GPHN: variants seen among roughly 807,000 people sequenced by gnomAD.
GPHN encodes gephyrin.
Under a neutral mutation model 95.5 loss-of-function variants are expected in GPHN, and 17 were observed. That is an observed-to-expected ratio of 0.18 (90% confidence interval 0.12 to 0.27). The LOEUF (loss-of-function observed/expected upper bound fraction) is 0.27, where lower values mean the gene tolerates loss of function less well. Among genes scored for constraint, GPHN ranks in the 10% least tolerant of loss-of-function variants. The pLI, the probability that GPHN is intolerant of heterozygous loss-of-function variation, is 1.00. For synonymous variants in GPHN, 320 were observed against 322.5 expected, an observed-to-expected ratio of 0.99 and a Z score of 0.08; for missense variants, 660 against 978.1, an observed-to-expected ratio of 0.67 and a Z score of 4.34.
At chr14:66,924,330 T>C (rs1172881523) in intron 8 of GPHN, 38 bp downstream of exon 8, 1 of 1,070,396 alleles carries the variant, frequency 9.3e-7, no homozygotes, top group Non-Finnish European at 1.5e-6. Context: ...GTTTTCCAAA[T>C]ATGTATTCTA....
At chr14:67,451,060 T>A in the GPHN span, among the ~76,000 whole-genome samples, 1 of 152,232 alleles carries the variant, frequency 6.6e-6, no homozygotes, top group African/African-American at 2.4e-5. Flanking sequence ...GAGCTCAGGC[T>A]GTGGCTTCAG....
chr14:67,254,327 C>T, the GPHN span: 2 of 151,764 alleles, frequency 1.3e-5, no homozygotes, highest in Admixed American at 6.6e-5. Flanking sequence ...TTAGCTTAAC[C>T]CTTTTTCCTA....
the GPHN span, chr14:67,600,133 G>A: frequency 2.6e-5 from 41 of 1,595,768 alleles, no homozygotes; most frequent in Non-Finnish European, 3.3e-5. Flanking sequence ...CCGGCAGGAC[G>A]GGGAGTAGTA....
At chr14:66,575,201 T>G (rs1031625414) in intron 1 of GPHN, among the ~76,000 whole-genome samples, 2 of 151,874 alleles carry the variant, frequency 1.3e-5, no homozygotes, top group Admixed American at 6.6e-5. Context: ...CTGAGTATAG[T>G]GTTCTTGGTT....
At chr14:67,312,811 A>C in the GPHN span, 1,422 of 938,296 alleles carry the variant, frequency 1.5e-3, 2 homozygotes, top group Non-Finnish European at 1.9e-3. Context: ...TATTTAATAA[A>C]GTATTCCAGT....
chr14:67,663,245 A>G, the GPHN span: 1 of 1,229,470 alleles, frequency 8.1e-7, no homozygotes, highest in Non-Finnish European at 1.1e-6. Context: ...TAACTAAAAC[A>G]GTATTGTCTT....
intron 9 of GPHN, among the ~76,000 whole-genome samples, chr14:66,992,366 T>G (rs1466224392): frequency 2.0e-5 from 3 of 152,174 alleles, no homozygotes. Flanking sequence ...GGATGGTATT[T>G]AAAGTGAAAA....
chr14:66,631,983 A>G (rs1355134688), intron 1 of GPHN, among the ~76,000 whole-genome samples: 4 of 152,072 alleles, frequency 2.6e-5, no homozygotes, highest in East Asian at 3.9e-4. Flanking sequence ...CTTGTTCCCA[A>G]TCCAACTACC....
intron 12 of GPHN, among the ~76,000 whole-genome samples, chr14:67,099,613 C>T (rs1476416901): frequency 1.3e-5 from 2 of 150,816 alleles, no homozygotes; most frequent in Non-Finnish European, 2.9e-5. Flanking sequence ...GCATAAAATA[C>T]AACATCCTGT....
chr14:67,312,041 G>A, the GPHN span: 1 of 152,628 alleles, frequency 6.6e-6, no homozygotes, highest in Non-Finnish European at 1.5e-5. Context: ...AGTAGCTGTG[G>A]TTTGGAAATT....
the GPHN span, among the ~76,000 whole-genome samples, chr14:67,604,471 G>A: frequency 6.6e-6 from 1 of 152,146 alleles, no homozygotes; most frequent in African/African-American, 2.4e-5. Context: ...GAGCCAGGAA[G>A]ATCGTTTGAG....
At chr14:66,663,899 T>C (rs2065801222) in intron 1 of GPHN, among the ~76,000 whole-genome samples, 1 of 152,156 alleles carries the variant, frequency 6.6e-6, no homozygotes, top group Non-Finnish European at 1.5e-5. Context: ...CATTACATAA[T>C]GGTAAAGGGT....
the GPHN span, chr14:67,445,986 CA>C: frequency 2.0e-6 from 1 of 495,274 alleles, no homozygotes; most frequent in South Asian, 1.5e-5. Flanking sequence ...AGAAACAGTT[CA>C]AAAAATAGGG....
chr14:67,178,543 G>A (rs150258668), intron 21 of GPHN, among the ~76,000 whole-genome samples: 69 of 152,154 alleles, frequency 4.5e-4, no homozygotes, highest in African/African-American at 1.6e-3. Context: ...TGTGCCTTGG[G>A]GTTGCTCTTC....
chr14:66,588,915 C>G (rs1297854696), intron 1 of GPHN, among the ~76,000 whole-genome samples: 1 of 151,830 alleles, frequency 6.6e-6, no homozygotes, highest in African/African-American at 2.4e-5. Flanking sequence ...AAGAGCAACC[C>G]CAAGACACAT....
At chr14:66,923,594 C>G (rs2066330388) in intron 7 of GPHN, among the ~76,000 whole-genome samples, 1 of 152,070 alleles carries the variant, frequency 6.6e-6, no homozygotes, top group South Asian at 2.1e-4. Flanking sequence ...ATTTAACTGT[C>G]TTAAAGTTAT....
chr14:66,577,356 A>G (rs960392722), intron 1 of GPHN, among the ~76,000 whole-genome samples: 4 of 152,188 alleles, frequency 2.6e-5, no homozygotes, highest in Non-Finnish European at 5.9e-5. Flanking sequence ...ATGATAGCTA[A>G]CAGAACCATA....
At chr14:67,028,053 G>A (rs927763787) in intron 10 of GPHN, among the ~76,000 whole-genome samples, 2 of 152,072 alleles carry the variant, frequency 1.3e-5, no homozygotes, top group Admixed American at 1.3e-4. Flanking sequence ...CCCAGCCTCT[G>A]ATAATATCAC....
the GPHN span, chr14:67,571,691 A>T: frequency 1.3e-6 from 2 of 1,561,416 alleles, no homozygotes; most frequent in African/African-American, 1.4e-5. Flanking sequence ...TGCAAGCTGC[A>T]GGGTTGGGAG....
Sources: allele counts gnomAD v4.1 joint callset (sites outside exome capture counted in the v4.1 genomes callset), GRCh38; gene constraint gnomAD v4.1.1; transcripts MANE v1.5; gene names NCBI Gene and HGNC (gene_info 2026-07-23, HGNC 2026-07-21).